COX20: variants seen among roughly 807,000 people sequenced by gnomAD.
COX20 encodes the protein cytochrome c oxidase assembly factor COX20.
In COX20, 14 loss-of-function variants were observed where a neutral mutation model predicts 14.3. The observed-to-expected ratio is 0.98, with a 90% CI of 0.65 to 1.53. The LOEUF (loss-of-function observed/expected upper bound fraction) is 1.53, where lower values mean the gene tolerates loss of function less well. Among genes scored for constraint, COX20 ranks in the 40% most tolerant of loss-of-function variants. COX20 has a pLI of 0.00. For missense variants in COX20, 149 were observed against 142.1 expected (o/e 1.05, Z -0.25); for synonymous variants, 56 against 51.7 (o/e 1.08, Z -0.36).
intron 1 of COX20, chr1:244,840,972 T>C (rs1680177772): frequency 6.6e-6 from 1 of 152,222 alleles, no homozygotes; most frequent in South Asian, 2.1e-4. Flanking sequence ...GAAAATTTTA[T>C]ATACACTTAA....
intron 1 of COX20, 146 bp downstream of exon 1, chr1:244,835,902 C>T (rs1157904762): frequency 6.6e-6 from 4 of 608,120 alleles, no homozygotes; most frequent in Non-Finnish European, 9.6e-6. Flanking sequence ...TAGTCCTTAT[C>T]CCAAGCCTCC....
chr1:244,843,061 A>C lies in COX20; in HGVS notation c.242A>C (p.Tyr81Ser). Residue 81 changes from tyrosine to serine, a missense_variant, in exon 4 of 4, where the codon TAT (tyrosine) becomes TCT (serine). By Grantham distance (144) the Tyr-to-Ser change is moderately radical. Coordinates refer to ENST00000411948, the MANE Select transcript of COX20 (RefSeq NM_198076.6). ...CTAAGGTTTCATTGTAGGTATAATTATGCAAAGCAAAGAATCCAGGAAAGA... is the reference window on the plus strand; with the variant it reads ...CTAAGGTTTCATTGTAGGTATAATTCTGCAAAGCAAAGAATCCAGGAAAGA... ...LGCWFHCRYN[Y>S]AKQRIQERIA... is the part of the protein sequence containing the mutation. 1 of 1,583,410 alleles carries C rather than the reference A, an allele frequency of 6.3e-7. No homozygotes were observed. The highest frequency in any genetic ancestry group is 1.2e-5 in the South Asian group (1 of 86,358).
chr1:244,840,333 C>G (rs12403440), intron 1 of COX20: 4 of 152,256 alleles, frequency 2.6e-5, no homozygotes, highest in African/African-American at 9.6e-5. Context: ...ATCTTTGCAC[C>G]TAAGACTAGA....
At chr1:244,835,897 C>T (rs1679963074) in intron 1 of COX20, 141 bp downstream of exon 1, 1 of 626,666 alleles carries the variant, frequency 1.6e-6, no homozygotes, top group Non-Finnish European at 2.3e-6. Flanking sequence ...GTTCCTAGTC[C>T]TTATCCCAAG....
rs1221402641 is a variant in COX20, at chr1:244,844,154, C to A, written c.*978C>A. 6.6e-6 allele frequency: 1 copy of A among 152,166 alleles called. No individual in the cohort carries two copies. Among genetic ancestry groups the A allele is most frequent in the Admixed American group, 6.5e-5 (1 of 15,278 alleles). 9.4% of individuals were successfully genotyped at this position (152,166 alleles called of 1,614,324 possible). On this transcript the variant is annotated 3_prime_UTR_variant, in exon 4 of 4. Coordinates refer to ENST00000411948, the MANE Select transcript of COX20 (RefSeq NM_198076.6). ...GATGTACCATGGAAGGCACAGAAAT[C>A]GAGCAAGGAAGAAAATATTAGTTAT...
chr1:244,836,338 G>C (rs1184057493), intron 1 of COX20: 1 of 671,594 alleles, frequency 1.5e-6, no homozygotes, highest in East Asian at 2.7e-5. Flanking sequence ...TCATTCCTCT[G>C]CCTAACATCC....
rs1680238195 is a variant in COX20 at position 244,842,261 on chromosome 1, A to G, written c.221+3A>G. ...ATCTTGGTGACTTTGGGATGCTGGT[A>G]TGTTTGCTAAGTATTCAAGAACATC... On this transcript the variant is annotated splice_donor_region_variant and intron_variant, in intron 3 of 3. Coordinates refer to ENST00000411948, the MANE Select transcript of COX20 (RefSeq NM_198076.6). The G allele has an allele frequency of 6.3e-7, 1 of 1,587,664 alleles. No homozygotes were observed. The highest frequency in any genetic ancestry group is 8.6e-7 in the Non-Finnish European group (1 of 1,156,124).
intron 1 of COX20, among the ~76,000 whole-genome samples, chr1:244,837,344 T>C (rs1202347413): frequency 6.6e-6 from 1 of 152,220 alleles, no homozygotes; most frequent in Non-Finnish European, 1.5e-5. Context: ...CCCAAGGTGC[T>C]GTCAGAAAGG....
In COX20 at chr1:244,844,000, C is replaced by A. The variant is rs1030143169; in HGVS notation, c.*824C>A. 6.6e-6 allele frequency: 1 copy of A among 152,114 alleles called. No homozygotes were observed. Among genetic ancestry groups the A allele is most frequent in the Admixed American group, 6.6e-5 (1 of 15,260 alleles). The allele number at this position is 152,114 out of a possible 1,614,324, so 9.4% of individuals were successfully genotyped here. ...AAGTTATTTCTGGTTTTAATTCATA[C>A]AATACTTTAAGAAAATCTGTTAAAT... On this transcript the variant is annotated 3_prime_UTR_variant, in exon 4 of 4. Coordinates refer to ENST00000411948, the MANE Select transcript of COX20 (RefSeq NM_198076.6).
chr1:244,835,980 T>C lies in COX20; in HGVS notation c.42+224T>C, dbSNP rs150024980. Among the ~76,000 whole-genome samples, 6 of 152,362 alleles carry C rather than the reference T, an allele frequency of 3.9e-5. No homozygotes were observed. In the East Asian group the frequency reaches 1.2e-3, roughly 29 times the overall value. On this transcript the variant is annotated intron_variant, in intron 1 of 3. Coordinates refer to ENST00000411948, the MANE Select transcript of COX20 (RefSeq NM_198076.6). ...AGGGGGAGGAGGGGACCAGTAGTAC[T>C]AATGACTTACTACAGGTCATTATGA...
intron 1 of COX20, chr1:244,836,601 C>T: frequency 4.9e-6 from 6 of 1,234,580 alleles, no homozygotes; most frequent in Non-Finnish European, 6.9e-6. Context: ...CAGGGCAGAA[C>T]AGGTATTCAG....
rs116609064 is a variant in COX20 at position 244,844,150 on chromosome 1, A to G, written c.*974A>G. 6.6e-4 allele frequency: 100 copies of G among 152,360 alleles called. No homozygotes were observed. Among genetic ancestry groups the G allele is most frequent in the African/African-American group, 2.3e-3 (97 of 41,578 alleles). 9.4% of individuals were successfully genotyped at this position (152,360 alleles called of 1,614,324 possible). ...TTTTGATGTACCATGGAAGGCACAG[A>G]AATCGAGCAAGGAAGAAAATATTAG... On this transcript the variant is annotated 3_prime_UTR_variant, in exon 4 of 4. Coordinates refer to ENST00000411948, the MANE Select transcript of COX20 (RefSeq NM_198076.6).
intron 1 of COX20, 150 bp from the exon 2 acceptor site, chr1:244,841,792 GAC>G (rs1489876801): frequency 5.2e-6 from 3 of 579,564 alleles, no homozygotes; most frequent in African/African-American, 1.9e-5. Flanking sequence ...GGTGGACAAA[GAC>G]AACGCAAGCT....
Position 244,843,443 on chromosome 1 carries a change from AGT to A in COX20, c.*270_*271del, listed in dbSNP as rs1035216782. Reference sequence around the variant, plus strand: ...AGTGTGGCAAAGAATTATAAAACATAGTGTTTAATGTACTTGGAGTTTCCTTG... The same window carrying A: ...AGTGTGGCAAAGAATTATAAAACATAGTTTAATGTACTTGGAGTTTCCTTG... On this transcript the variant is annotated 3_prime_UTR_variant, in exon 4 of 4. Coordinates refer to ENST00000411948, the MANE Select transcript of COX20 (RefSeq NM_198076.6). 5.1e-6 allele frequency: 2 copies of A among 390,342 alleles called. No homozygotes were observed. Among genetic ancestry groups the A allele is most frequent in the Non-Finnish European group, 9.2e-6 (2 of 217,118 alleles). The allele number at this position is 390,342 out of a possible 1,614,324, so 24.2% of individuals were successfully genotyped here.
At position 244,835,770 on chromosome 1, in the gene COX20, C is replaced by T; in HGVS notation, c.42+14C>T. Reference sequence around the variant, plus strand: ...GAGGAGAGGAAGGTAACCTGGGGGTCGGCGGGGCGCGCGCCGCGGGTGGGC... The same window carrying T: ...GAGGAGAGGAAGGTAACCTGGGGGTTGGCGGGGCGCGCGCCGCGGGTGGGC... On this transcript the variant is annotated intron_variant, in intron 1 of 3. Coordinates refer to ENST00000411948, the MANE Select transcript of COX20 (RefSeq NM_198076.6). The T allele has an allele frequency of 4.1e-6, 5 of 1,224,584 alleles. No homozygotes were observed. The highest frequency in any genetic ancestry group is 4.1e-6 in the Non-Finnish European group (4 of 981,456). 75.9% of individuals were successfully genotyped at this position (1,224,584 alleles called of 1,614,324 possible). A position where few individuals can be genotyped will look rare whatever the true frequency, so the allele number is the denominator to read the frequency against.
rs1405234816 is a variant in COX20 at position 244,835,752 on chromosome 1, G to A, written c.38G>A (p.Arg13Lys). The change falls in exon 1 of 4, where the codon AGG becomes AAG. Residue 13 changes from arginine to lysine, a missense_variant. Physicochemically the swap from Arg to Lys is conservative, Grantham distance 26. Transcript: ENST00000411948. ...APPEPGEPEE[R>K]KSLKLLGFLD... The stretch of plus-strand genomic sequence containing the variant: ...CCGGAGCCCGGTGAGCCCGAGGAGA[G>A]GAAGGTAACCTGGGGGTCGGCGGGG... 2 of 1,270,060 alleles carry A rather than the reference G, an allele frequency of 1.6e-6. No homozygotes were observed. Among genetic ancestry groups the A allele is most frequent in the Non-Finnish European group, 1.0e-6 (1 of 1,004,742 alleles). 78.7% of individuals were successfully genotyped at this position (1,270,060 alleles called of 1,614,324 possible).
chr1:244,835,391 G>A (rs1472233195), upstream of COX20: 1 of 298,216 alleles, frequency 3.4e-6, no homozygotes, highest in Admixed American at 5.2e-5. Flanking sequence ...GGGCTGTCTG[G>A]CTCGGTTACG....
chr1:244,838,567 T>A (rs980243313), intron 1 of COX20, among the ~76,000 whole-genome samples: 4 of 152,190 alleles, frequency 2.6e-5, no homozygotes, highest in Non-Finnish European at 1.5e-5. Context: ...AAACAAATGA[T>A]AATTTGTGCC....
chr1:244,840,488 C>T (rs1573313209), intron 1 of COX20: 1 of 152,330 alleles, frequency 6.6e-6, no homozygotes, highest in Admixed American at 6.5e-5. Flanking sequence ...CCTGGGCTCT[C>T]AAGCTGATAG....
Sources: gnomAD v4.1 joint callset for allele counts (sites outside exome capture counted in the v4.1 genomes callset) on GRCh38, gnomAD v4.1.1 for gene constraint, MANE v1.5 for transcripts, NCBI Gene and HGNC (gene_info 2026-07-23, HGNC 2026-07-21) for gene names.